Variants in VIPR2 observed in about 807,000 individuals in gnomAD.
The protein encoded by VIPR2 is vasoactive intestinal peptide receptor 2, also known as vasoactive intestinal polypeptide receptor 2.
A neutral mutation model predicts 58.0 loss-of-function variants in VIPR2; 48 were observed. That is an observed-to-expected ratio of 0.83 (90% CI 0.66 to 1.05). VIPR2 has a LOEUF of 1.05. Among genes scored for constraint, VIPR2 ranks in the 50% least tolerant of loss-of-function variants. The pLI is 0.00. For synonymous variants in VIPR2, 243 were observed against 235.2 expected (o/e 1.03, Z -0.30); for missense variants, 534 against 558.0 (o/e 0.96, Z 0.43).
chr7:159,053,506 A>C (rs73169220), intron 5 of VIPR2, among the ~76,000 whole-genome samples: 16,418 of 152,252 alleles, frequency 0.11, 1,029 homozygotes, highest in East Asian at 0.18. Flanking sequence ...CTATAGATAC[A>C]ATGCAATACC....
chr7:159,092,078 C>A (rs572487298), intron 4 of VIPR2, among the ~76,000 whole-genome samples: 1 of 152,282 alleles, frequency 6.6e-6, no homozygotes, highest in East Asian at 1.9e-4. Context: ...GCGGTTAGTC[C>A]CTCAGAAAAC....
chr7:159,056,220 A>C (rs1295551140), intron 5 of VIPR2, among the ~76,000 whole-genome samples: 3 of 151,942 alleles, frequency 2.0e-5, no homozygotes, highest in African/African-American at 7.3e-5. Flanking sequence ...ATTGGGTCCA[A>C]TCCCCCTCCC....
At chr7:159,036,675 C>T (rs1374414125) in intron 7 of VIPR2, 77 bp downstream of exon 7, 2 of 1,502,944 alleles carry the variant, frequency 1.3e-6, no homozygotes, top group African/African-American at 2.8e-5. Context: ...AAAGTGTTTT[C>T]TGAGCTGAAA....
intron 1 of VIPR2, chr7:159,144,365 C>G (rs1310810555): frequency 6.5e-7 from 1 of 1,542,232 alleles, no homozygotes; most frequent in South Asian, 1.2e-5. Flanking sequence ...CCGTGAAACG[C>G]GCAGCCCGCG....
Position 159,070,054 on chromosome 7 carries a change from C to T in VIPR2, c.358-11476G>A, listed in dbSNP as rs868558176. 2.6e-5 allele frequency among the ~76,000 whole-genome samples: 4 copies of T among 152,280 alleles called. No homozygotes were observed. In the Middle Eastern group the frequency reaches 0.01, roughly 388 times the overall value. ...AACCTGTTTGCTTTGTCCGGTACCT[C>T]CAGGGCTGCCCACTCAGCAACAGCC... On this transcript the variant is annotated intron_variant, in intron 4 of 12. Coordinates refer to ENST00000262178, the MANE Select transcript of VIPR2 (RefSeq NM_003382.5).
At chr7:159,083,441 AGT>A (rs1306466433) in intron 4 of VIPR2, among the ~76,000 whole-genome samples, 1 of 152,184 alleles carries the variant, frequency 6.6e-6, no homozygotes, top group African/African-American at 2.4e-5. Flanking sequence ...TCCCTAGATG[AGT>A]GTGTTGGTCA....
chr7:159,074,364 C>T (rs56407351), intron 4 of VIPR2, among the ~76,000 whole-genome samples: 6,990 of 152,224 alleles, frequency 0.046, 284 homozygotes, highest in African/African-American at 0.11. Context: ...GCTCAGGACG[C>T]CATTTCCTAT....
intron 9 of VIPR2, 33 bp downstream of exon 9, chr7:159,034,548 C>T (rs1465377235): frequency 6.3e-7 from 1 of 1,597,472 alleles, no homozygotes; most frequent in Non-Finnish European, 8.6e-7. Flanking sequence ...TGTGATTCCA[C>T]AGATAATCCA....
intron 4 of VIPR2, chr7:159,059,174 C>G (rs993016343): frequency 4.3e-6 from 2 of 466,872 alleles, no homozygotes; most frequent in African/African-American, 4.0e-5. Context: ...TCATGATCAT[C>G]ATGGTGGCAG....
chr7:159,061,821 C>A (rs1272254392), intron 4 of VIPR2, among the ~76,000 whole-genome samples: 1 of 152,146 alleles, frequency 6.6e-6, no homozygotes, highest in South Asian at 2.1e-4. Flanking sequence ...GGGCGAGCCG[C>A]GGCGGAGTAC....
At chr7:159,055,322 G>A (rs952515398) in intron 5 of VIPR2, among the ~76,000 whole-genome samples, 1 of 152,158 alleles carries the variant, frequency 6.6e-6, no homozygotes, top group African/African-American at 2.4e-5. Flanking sequence ...GGTAGACACC[G>A]GGTGGCTGCA....
intron 4 of VIPR2, among the ~76,000 whole-genome samples, chr7:159,086,979 AC>A (rs1181809127): frequency 6.6e-6 from 1 of 152,156 alleles, no homozygotes; most frequent in African/African-American, 2.4e-5. Context: ...CGTGAAGAAA[AC>A]CACACTCTGC....
intron 6 of VIPR2, among the ~76,000 whole-genome samples, chr7:159,037,950 A>G (rs1402358051): frequency 1.3e-5 from 2 of 152,252 alleles, no homozygotes; most frequent in Admixed American, 6.5e-5. Context: ...ACACCTATAC[A>G]TATTTGTGGG....
In VIPR2 at chr7:159,095,750, T is replaced by C. The variant is rs1409468602; in HGVS notation, c.357+8007A>G. On this transcript the variant is annotated intron_variant, in intron 4 of 12. Coordinates refer to ENST00000262178, the MANE Select transcript of VIPR2 (RefSeq NM_003382.5). This position sits in a 1 kb window ranked among gnomAD's most constrained non-coding sequence, Gnocchi z 5.2. ...GCTCCTGTCCAGGCTCCAAATCACA[T>C]CGACATGACAGTTGGTGCCGACCTG... Among the ~76,000 whole-genome samples the C allele has an allele frequency of 6.6e-6, 1 of 152,006 alleles. No homozygotes were observed. The highest frequency in any genetic ancestry group is 2.4e-5 in the African/African-American group (1 of 41,410).
chr7:159,123,286 T>C (rs1796526182), intron 2 of VIPR2, among the ~76,000 whole-genome samples: 1 of 39,916 alleles, frequency 2.5e-5, no homozygotes, highest in African/African-American at 9.8e-5. Flanking sequence ...AGCAAGACTC[T>C]GTAAAAAAAA....
chr7:159,055,869 G>A (rs1226652015), intron 5 of VIPR2, among the ~76,000 whole-genome samples: 1 of 152,168 alleles, frequency 6.6e-6, no homozygotes, highest in Non-Finnish European at 1.5e-5. Context: ...TCACTTCCAC[G>A]TATGGATCTG....
intron 2 of VIPR2, 130 bp downstream of exon 2, chr7:159,142,316 T>C (rs1237526056): frequency 4.5e-6 from 3 of 665,378 alleles, no homozygotes; most frequent in Admixed American, 5.4e-5. Context: ...TAACAAACAA[T>C]GGGAAGTGGC....
intron 4 of VIPR2, among the ~76,000 whole-genome samples, chr7:159,091,443 A>G (rs1467165227): frequency 6.6e-6 from 1 of 152,192 alleles, no homozygotes; most frequent in African/African-American, 2.4e-5. Flanking sequence ...GTGAACGCTC[A>G]ATAATTTATG....
At chr7:159,106,452 G>A (rs1387467254) in intron 3 of VIPR2, among the ~76,000 whole-genome samples, 3 of 150,946 alleles carry the variant, frequency 2.0e-5, no homozygotes, top group Non-Finnish European at 4.4e-5. Context: ...GAGAGGCCAG[G>A]GAGGGGCAGA....
Sources: gnomAD v4.1 joint callset for allele counts (sites outside exome capture counted in the v4.1 genomes callset) on GRCh38, gnomAD v4.1.1 for gene constraint, Gnocchi (gnomAD v3.1) non-coding constraint, MANE v1.5 for transcripts, NCBI Gene and HGNC (gene_info 2026-07-23, HGNC 2026-07-21) for gene names.